Variants in ILDR2 observed in about 807,000 individuals in gnomAD.
ILDR2 encodes the protein immunoglobulin like domain containing receptor 2.
A neutral mutation model predicts 66.8 loss-of-function variants in ILDR2; 25 were observed. The observed-to-expected ratio is 0.37, with a 90% CI of 0.27 to 0.52. ILDR2 has a LOEUF of 0.52. Ranked by LOEUF, ILDR2 falls within the 20% of genes least tolerant of loss-of-function variation. The probability of loss-of-function intolerance (pLI) is 0.88; values close to 1 mark genes in which losing one functional copy is unlikely to be tolerated. For synonymous variants in ILDR2, 367 were observed against 357.2 expected, an observed-to-expected ratio of 1.03 and a Z score of -0.31; for missense variants, 827 against 876.8, an observed-to-expected ratio of 0.94 and a Z score of 0.72.
chr1:166,954,328 T>C, intron 3 of ILDR2, among the ~76,000 whole-genome samples: 1 of 152,178 alleles, frequency 6.6e-6, no homozygotes, highest in South Asian at 2.1e-4. Flanking sequence ...TTTACAACTG[T>C]GATGGCATTT....
chr1:166,919,402 C>A lies in ILDR2; in HGVS notation c.1885-12G>T. 1 of 1,602,200 alleles carries A rather than the reference C, an allele frequency of 6.2e-7. No homozygotes were observed. The highest frequency in any genetic ancestry group is 8.5e-7 in the Non-Finnish European group (1 of 1,171,142). ...GTTGGAAAGTCATTCTAGGAAAGAG[C>A]AGAAAGAGCCCAACATTAAGCCACA... On this transcript the variant is annotated splice_polypyrimidine_tract_variant and intron_variant, in intron 9 of 9. Transcript: ENST00000271417.
At position 166,919,119 on chromosome 1, in the gene ILDR2, G is replaced by A; in HGVS notation, c.*236C>T. 1.9e-6 allele frequency: 1 copy of A among 536,430 alleles called. No homozygotes were observed. The highest frequency in any genetic ancestry group is 3.3e-6 in the Non-Finnish European group (1 of 299,102). The allele number at this position is 536,430 out of a possible 1,614,324, so 33.2% of individuals were successfully genotyped here. A position where few individuals can be genotyped will look rare whatever the true frequency, so the allele number is the denominator to read the frequency against. Reference sequence around the variant, plus strand: ...TATAGTTGAGAAACTCTGTATGTAGGAATGTTCTCACACATTCTTGCTTTC... The same window carrying A: ...TATAGTTGAGAAACTCTGTATGTAGAAATGTTCTCACACATTCTTGCTTTC... On this transcript the variant is annotated 3_prime_UTR_variant, in exon 10 of 10. Coordinates refer to ENST00000271417, the MANE Select transcript of ILDR2 (RefSeq NM_199351.3).
chr1:166,933,564 G>T, intron 6 of ILDR2: 1 of 982,424 alleles, frequency 1.0e-6, no homozygotes, highest in African/African-American at 1.7e-5. Context: ...GACCAAAATG[G>T]TTGAACTGCA....
rs1321937060 is a variant in ILDR2 at position 166,909,751 on chromosome 1, A to T, written c.*9604T>A. On this transcript the variant is annotated 3_prime_UTR_variant, in exon 10 of 10. Coordinates refer to ENST00000271417, the MANE Select transcript of ILDR2 (RefSeq NM_199351.3). Reference sequence around the variant, plus strand: ...TGTATACATACATATATATATATATATATATATAAATATATATAAATATAT... The same window carrying T: ...TGTATACATACATATATATATATATTTATATATAAATATATATAAATATAT... 36 of 71,150 alleles carry T rather than the reference A, an allele frequency of 5.1e-4. No individual in the cohort carries two copies. Among genetic ancestry groups the T allele is most frequent in the African/African-American group, 1.8e-3 (24 of 13,436 alleles). The allele number at this position is 71,150 out of a possible 1,614,324, so 4.4% of individuals were successfully genotyped here. A position where few individuals can be genotyped will look rare whatever the true frequency, so the allele number is the denominator to read the frequency against.
rs1659709059 is a variant in ILDR2, at chr1:166,918,036, T to C, written c.*1319A>G. 1.3e-5 allele frequency: 2 copies of C among 152,110 alleles called. No homozygotes were observed. The highest frequency in any genetic ancestry group is 3.9e-4 in the East Asian group (2 of 5,194). The allele number at this position is 152,110 out of a possible 1,614,324, so 9.4% of individuals were successfully genotyped here. On this transcript the variant is annotated 3_prime_UTR_variant, in exon 10 of 10. Coordinates refer to ENST00000271417, the MANE Select transcript of ILDR2 (RefSeq NM_199351.3). ...CATAGCCAACTCCAGATTCAAGGGG[T>C]TGGAAAAAAGATGGCACCTCTTGAT...
intron 3 of ILDR2, among the ~76,000 whole-genome samples, chr1:166,940,466 C>G (rs764244241): frequency 6.6e-6 from 1 of 152,186 alleles, no homozygotes; most frequent in Non-Finnish European, 1.5e-5. Context: ...GTACCATAAA[C>G]AACTAGCAAA....
intron 1 of ILDR2, among the ~76,000 whole-genome samples, chr1:166,965,630 T>G (rs1662906289): frequency 6.8e-6 from 1 of 147,886 alleles, no homozygotes; most frequent in Non-Finnish European, 1.5e-5. Flanking sequence ...TGGAGTGCAG[T>G]GGCACCACCT....
intron 7 of ILDR2, among the ~76,000 whole-genome samples, chr1:166,924,208 G>C (rs1660137710): frequency 6.6e-6 from 1 of 152,140 alleles, no homozygotes; most frequent in Admixed American, 6.5e-5. Context: ...AAGGGACTAT[G>C]CCTATTTTAA....
intron 3 of ILDR2, among the ~76,000 whole-genome samples, chr1:166,954,671 C>A (rs1208083215): frequency 1.3e-5 from 2 of 152,152 alleles, no homozygotes; most frequent in Non-Finnish European, 2.9e-5. Context: ...TAGAGTAATA[C>A]TGATTTTTTT....
chr1:166,897,443 G>T (rs1054633225), intron 2 of ILDR2, among the ~76,000 whole-genome samples: 3 of 152,136 alleles, frequency 2.0e-5, no homozygotes, highest in Non-Finnish European at 2.9e-5. Context: ...TGCTAATGAG[G>T]TGATTCATGG....
chr1:166,958,386 G>A (rs1269391078), intron 1 of ILDR2, among the ~76,000 whole-genome samples: 12 of 152,096 alleles, frequency 7.9e-5, no homozygotes, highest in South Asian at 2.1e-4. Flanking sequence ...TGCTGTTCTC[G>A]TGGTAGGGAG....
chr1:166,921,232 G>T lies in ILDR2; in HGVS notation c.1359C>A (p.Gly453=). The T allele has an allele frequency of 1.3e-6, 2 of 1,593,602 alleles. No individual in the cohort carries two copies. The highest frequency in any genetic ancestry group is 8.5e-7 in the Non-Finnish European group (1 of 1,175,434). Residue 453 remains glycine, a synonymous_variant, in exon 9 of 10, where the codon GGC becomes GGA. Coordinates refer to ENST00000271417, the MANE Select transcript of ILDR2 (RefSeq NM_199351.3). This position sits in a 1 kb window ranked among gnomAD's most constrained non-coding sequence, Gnocchi z 5.3. ...RADGNSHEAR[G]GSRFERSESR... ...ACTCCGAGCGCTCGAAGCGGCTCCC[G>T]CCCCGCGCCTCGTGACTGTTGCCGT...
intron 1 of ILDR2, among the ~76,000 whole-genome samples, chr1:166,963,613 T>C (rs760052129): frequency 1.3e-5 from 2 of 152,204 alleles, no homozygotes; most frequent in African/African-American, 2.4e-5. Context: ...ACATCAATCA[T>C]GTCAGTTCCT....
Position 166,913,907 on chromosome 1 carries a change from A to T in ILDR2, c.*5448T>A, listed in dbSNP as rs1044368921. The T allele has an allele frequency of 2.6e-5, 4 of 152,316 alleles. No individual in the cohort carries two copies. Among genetic ancestry groups the T allele is most frequent in the African/African-American group, 9.7e-5 (4 of 41,448 alleles). The allele number at this position is 152,316 out of a possible 1,614,324, so 9.4% of individuals were successfully genotyped here. On this transcript the variant is annotated 3_prime_UTR_variant, in exon 10 of 10. Coordinates refer to ENST00000271417, the MANE Select transcript of ILDR2 (RefSeq NM_199351.3). Reference sequence around the variant, plus strand: ...CAAGGTGGGAGGATCACTTGAGGCCAGGAGTTTGAGACAAGCCTGGGAAAT... The same window carrying T: ...CAAGGTGGGAGGATCACTTGAGGCCTGGAGTTTGAGACAAGCCTGGGAAAT...
intron 7 of ILDR2, among the ~76,000 whole-genome samples, chr1:166,924,212 A>G (rs1210566971): frequency 6.6e-6 from 1 of 152,200 alleles, no homozygotes; most frequent in Non-Finnish European, 1.5e-5. Flanking sequence ...GACTATGCCT[A>G]TTTTAAGGAA....
In ILDR2 at chr1:166,919,367, G is replaced by A. The variant is rs1186539283; in HGVS notation, c.1908C>T (p.Ser636=). ...KKTNDFPTRM[S]LVV ...AATGTTGACAACATCAGACCACAAG[G>A]GACATCCTGGTTGGAAAGTCATTCT... is the stretch of plus-strand genomic sequence containing the variant. Residue 636 remains serine (S), a synonymous_variant, in exon 10 of 10, where the codon TCC becomes TCT. Coordinates refer to ENST00000271417, the MANE Select transcript of ILDR2 (RefSeq NM_199351.3). 1 of 1,609,960 alleles carries A rather than the reference G, an allele frequency of 6.2e-7. No homozygotes were observed. The highest frequency in any genetic ancestry group is 8.5e-7 in the Non-Finnish European group (1 of 1,176,808).
chr1:166,926,427 A>C (rs182543102), intron 7 of ILDR2, among the ~76,000 whole-genome samples: 13 of 152,112 alleles, frequency 8.5e-5, no homozygotes, highest in African/African-American at 2.9e-4. Flanking sequence ...TGACAAGAGG[A>C]TCAGCCTCTT....
Position 166,975,430 on chromosome 1 carries a change from G to C in ILDR2, c.-162C>G, listed in dbSNP as rs1663536492. 1 of 173,818 alleles carries C rather than the reference G, an allele frequency of 5.8e-6. No homozygotes were observed. The highest frequency in any genetic ancestry group is 2.0e-4 in the East Asian group (1 of 5,122). The allele number at this position is 173,818 out of a possible 1,614,324, so 10.8% of individuals were successfully genotyped here. ...GGCCGGCCGCGCAGGCGGGGCCGGG[G>C]GCTGGATCGCGCCGCCGGCTGAGCG... On this transcript the variant is annotated 5_prime_UTR_variant, in exon 1 of 10. Coordinates refer to ENST00000271417, the MANE Select transcript of ILDR2 (RefSeq NM_199351.3).
chr1:166,973,405 A>G (rs1484678234), intron 1 of ILDR2, among the ~76,000 whole-genome samples: 1 of 152,146 alleles, frequency 6.6e-6, no homozygotes, highest in African/African-American at 2.4e-5. Context: ...TTGCCTCTCT[A>G]GGACTCCATC....
Sources: gnomAD v4.1 joint callset for allele counts (sites outside exome capture counted in the v4.1 genomes callset) on GRCh38, gnomAD v4.1.1 for gene constraint, Gnocchi (gnomAD v3.1) non-coding constraint, MANE v1.5 for transcripts, NCBI Gene and HGNC (gene_info 2026-07-23, HGNC 2026-07-21) for gene names.